CGGBP1: variants seen among roughly 807,000 people sequenced by gnomAD.
CGGBP1 encodes the protein CGG triplet repeat-binding protein 1.
CGGBP1 carries 4 observed loss-of-function variants against 11.4 expected under a neutral mutation model. That is an observed-to-expected ratio of 0.35 (90% CI 0.17 to 0.80). The LOEUF is 0.80. Ranked by LOEUF, CGGBP1 falls within the 30% of genes least tolerant of loss-of-function variation. CGGBP1 has a pLI of 0.52. For missense variants in CGGBP1, 135 were observed against 202.1 expected, an observed-to-expected ratio of 0.67 and a Z score of 2.01; for synonymous variants, 76 against 74.1, an observed-to-expected ratio of 1.03 and a Z score of -0.13.
chr3:88,127,030 T>G (rs1288607556), intron 2 of CGGBP1, among the ~76,000 whole-genome samples: 1 of 152,104 alleles, frequency 6.6e-6, no homozygotes, highest in Non-Finnish European at 1.5e-5. Context: ...CCCATATCAT[T>G]CCTGAACCCC....
At chr3:88,141,112 T>C (rs1559739457) in intron 1 of CGGBP1, 2 of 1,507,246 alleles carry the variant, frequency 1.3e-6, no homozygotes, top group Non-Finnish European at 1.8e-6. Flanking sequence ...AATAAAACTA[T>C]TATAGATCTT....
At chr3:88,061,529 A>C (rs1243600604), upstream of CGGBP1, among the ~76,000 whole-genome samples, 1 of 152,154 alleles carries the variant, frequency 6.6e-6, no homozygotes, top group Non-Finnish European at 1.5e-5. Flanking sequence ...ATAATACTCT[A>C]GGTTACTGAG....
At chr3:88,085,441 C>G (rs1302698442) in intron 2 of CGGBP1, among the ~76,000 whole-genome samples, 1 of 152,054 alleles carries the variant, frequency 6.6e-6, no homozygotes, top group Non-Finnish European at 1.5e-5. Flanking sequence ...TTTCCAACCA[C>G]TTAAAAATGT....
intron 2 of CGGBP1, among the ~76,000 whole-genome samples, chr3:88,073,164 T>C (rs1415606037): frequency 6.6e-6 from 1 of 152,140 alleles, no homozygotes; most frequent in Non-Finnish European, 1.5e-5. Flanking sequence ...TGCAAACTAT[T>C]AGCAGTACAA....
chr3:88,067,720 A>T (rs1707279023), intron 2 of CGGBP1, among the ~76,000 whole-genome samples: 1 of 152,226 alleles, frequency 6.6e-6, no homozygotes, highest in Non-Finnish European at 1.5e-5. Context: ...GTGACTCTAA[A>T]CAGAGCTGTT....
chr3:88,062,250 T>C (rs1478902806), upstream of CGGBP1, among the ~76,000 whole-genome samples: 1 of 152,176 alleles, frequency 6.6e-6, no homozygotes, highest in African/African-American at 2.4e-5. Flanking sequence ...AGACAGCAAG[T>C]AGCATAGTTG....
At chr3:88,132,563 C>T (rs1706529794) in intron 2 of CGGBP1, among the ~76,000 whole-genome samples, 1 of 152,100 alleles carries the variant, frequency 6.6e-6, no homozygotes, top group East Asian at 1.9e-4. Context: ...GTTTTAAATC[C>T]AATCAAAATG....
chr3:88,142,524 C>T (rs1340791372), intron 1 of CGGBP1: 4 of 152,336 alleles, frequency 2.6e-5, no homozygotes, highest in Non-Finnish European at 5.9e-5. Context: ...TAAAAGCACA[C>T]TGGGATACTT....
At chr3:88,106,323 A>G (rs1380763079) in intron 2 of CGGBP1, among the ~76,000 whole-genome samples, 4 of 152,052 alleles carry the variant, frequency 2.6e-5, no homozygotes, top group Non-Finnish European at 4.4e-5. Context: ...TTGAAAATGT[A>G]TATTTTTTTC....
intron 3 of CGGBP1, chr3:88,056,284 A>G (rs1343605404): frequency 8.6e-6 from 2 of 231,516 alleles, no homozygotes; most frequent in African/African-American, 4.5e-5. Context: ...TGTCACCATT[A>G]TTTAGGGAAA....
chr3:88,125,423 T>C (rs1706039388), intron 2 of CGGBP1, among the ~76,000 whole-genome samples: 1 of 152,156 alleles, frequency 6.6e-6, no homozygotes, highest in Non-Finnish European at 1.5e-5. Context: ...GAAAAACATT[T>C]CAAATATCTT....
At chr3:88,084,976 C>T (rs1259166977) in intron 2 of CGGBP1, among the ~76,000 whole-genome samples, 1 of 152,194 alleles carries the variant, frequency 6.6e-6, no homozygotes, top group Non-Finnish European at 1.5e-5. Context: ...CTTCATTATA[C>T]TGGCTATAAA....
chr3:88,111,822 A>G (rs964609839), intron 2 of CGGBP1, among the ~76,000 whole-genome samples: 1 of 151,988 alleles, frequency 6.6e-6, no homozygotes, highest in Non-Finnish European at 1.5e-5. Flanking sequence ...CACCAAAGCC[A>G]TCATAGAATA....
intron 2 of CGGBP1, among the ~76,000 whole-genome samples, chr3:88,084,273 A>G (rs918785936): frequency 1.3e-5 from 2 of 152,198 alleles, no homozygotes; most frequent in African/African-American, 4.8e-5. Context: ...CCAACCCATA[A>G]ATAGGGAGCA....
At chr3:88,073,207 G>C (rs1188983657) in intron 2 of CGGBP1, among the ~76,000 whole-genome samples, 2 of 152,056 alleles carry the variant, frequency 1.3e-5, no homozygotes, top group Non-Finnish European at 2.9e-5. Context: ...ACAGAATCCG[G>C]AACTGTGGGA....
At chr3:88,081,038 A>C (rs1708050318) in intron 2 of CGGBP1, among the ~76,000 whole-genome samples, 1 of 152,080 alleles carries the variant, frequency 6.6e-6, no homozygotes, top group Non-Finnish European at 1.5e-5. Context: ...ACAGTTCCTC[A>C]GCCTTTCCTT....
intron 2 of CGGBP1, among the ~76,000 whole-genome samples, chr3:88,092,424 A>G (rs1473199286): frequency 6.6e-6 from 1 of 152,160 alleles, no homozygotes; most frequent in Admixed American, 6.6e-5. Context: ...TACAGAATGC[A>G]ATGAGAGGGC....
chr3:88,113,586 A>G (rs1339690281), intron 2 of CGGBP1, among the ~76,000 whole-genome samples: 1 of 152,108 alleles, frequency 6.6e-6, no homozygotes, highest in African/African-American at 2.4e-5. Context: ...GCTAGGAGAC[A>G]GAAGATTTTT....
intron 1 of CGGBP1, chr3:88,144,046 T>G (rs1038537714): frequency 3.3e-5 from 5 of 152,336 alleles, no homozygotes; most frequent in African/African-American, 1.2e-4. Context: ...TGGACCAAGT[T>G]TCAAATCTTT....
Sources: gnomAD v4.1 joint callset for allele counts (sites outside exome capture counted in the v4.1 genomes callset) on GRCh38, gnomAD v4.1.1 for gene constraint, MANE v1.5 for transcripts, NCBI Gene and HGNC (gene_info 2026-07-23, HGNC 2026-07-21) for gene names.